Variants in ROBO1 observed in about 807,000 individuals in gnomAD.
ROBO1 encodes the protein roundabout homolog 1.
Under a neutral mutation model 195.9 loss-of-function variants are expected in ROBO1, and 149 were observed. The ratio of observed to expected loss-of-function variants is 0.76; its 90% CI spans 0.67 to 0.87. ROBO1 has a LOEUF of 0.87. ROBO1 is among the 40% of genes least tolerant of loss of function. The pLI is 0.00. For synonymous variants in ROBO1, 816 were observed against 733.2 expected, an observed-to-expected ratio of 1.11 and a Z score of -1.82; for missense variants, 1,933 against 2,068.3, an observed-to-expected ratio of 0.93 and a Z score of 1.27.
At chr3:79,705,342 A>ATTTTTAGTTAGC (rs71130671) in intron 1 of ROBO1, among the ~76,000 whole-genome samples, 2 of 151,122 alleles carry the variant, frequency 1.3e-5, no homozygotes, top group Non-Finnish European at 3.0e-5. Context: ...ATTGTGATCC[A>ATTTTTAGTTAGC]TTTTTTGAAT....
At chr3:79,581,933 C>T (rs9836090) in intron 2 of ROBO1, among the ~76,000 whole-genome samples, 1 of 151,540 alleles carries the variant, frequency 6.6e-6, no homozygotes, top group Non-Finnish European at 1.5e-5. Flanking sequence ...TATTATTCTT[C>T]TGAGTGTTAC....
chr3:79,482,532 C>T (rs1938917699), intron 2 of ROBO1, among the ~76,000 whole-genome samples: 1 of 152,140 alleles, frequency 6.6e-6, no homozygotes, highest in South Asian at 2.1e-4. Context: ...ATTGTGAGGC[C>T]TCCCCAGACA....
chr3:79,071,857 T>C (rs2079097202), intron 3 of ROBO1, among the ~76,000 whole-genome samples: 2 of 151,794 alleles, frequency 1.3e-5, no homozygotes, highest in Admixed American at 6.6e-5. Flanking sequence ...TTTGCATGGT[T>C]ATTCTGTATA....
At chr3:79,619,036 G>T (rs1944915098) in intron 1 of ROBO1, among the ~76,000 whole-genome samples, 1 of 152,172 alleles carries the variant, frequency 6.6e-6, no homozygotes, top group Non-Finnish European at 1.5e-5. Context: ...CATTCCATTG[G>T]TGTCTGATCA....
intron 2 of ROBO1, among the ~76,000 whole-genome samples, chr3:79,379,195 A>G (rs2036487409): frequency 6.6e-6 from 1 of 152,212 alleles, no homozygotes; most frequent in Admixed American, 6.5e-5. Context: ...TTTCAAGACA[A>G]GATACTAAGG....
rs986190853 is a variant in ROBO1, at chr3:79,243,330, A to G, written c.89-117791T>C. On this transcript the variant is annotated intron_variant, in intron 2 of 30. Coordinates refer to ENST00000464233, the MANE Select transcript of ROBO1 (RefSeq NM_002941.4). ...TGTCTTTATAGCAGCATGATTTATA[A>G]TCCTTTGGGTATATACCCAGTAATG... 3.7e-3 allele frequency among the ~76,000 whole-genome samples: 566 copies of G among 152,150 alleles called. 5 individuals are homozygous for G. Among genetic ancestry groups the G allele is most frequent in the African/African-American group, 0.013 (525 of 41,504 alleles).
chr3:79,570,477 A>G (rs1044884113), intron 2 of ROBO1, among the ~76,000 whole-genome samples: 4 of 152,162 alleles, frequency 2.6e-5, no homozygotes, highest in African/African-American at 7.2e-5. Context: ...ATGACTGACA[A>G]GTGAAGCATG....
intron 28 of ROBO1, 146 bp from the exon 29 acceptor site, chr3:78,607,187 AC>A: frequency 1.3e-6 from 1 of 755,548 alleles, no homozygotes; most frequent in Non-Finnish European, 2.1e-6. Flanking sequence ...AAGGAAAAAT[AC>A]CCACAATTTT....
intron 2 of ROBO1, among the ~76,000 whole-genome samples, chr3:79,220,084 G>A (rs2082111479): frequency 6.6e-6 from 1 of 151,982 alleles, no homozygotes; most frequent in African/African-American, 2.4e-5. Flanking sequence ...TCACATAGGT[G>A]TGTGATGAGA....
intron 2 of ROBO1, among the ~76,000 whole-genome samples, chr3:79,285,082 CTT>C (rs1445257785): frequency 6.6e-6 from 1 of 152,116 alleles, no homozygotes; most frequent in South Asian, 2.1e-4. Context: ...TGTTGAATAA[CTT>C]AACATATTGA....
At chr3:79,613,736 A>G (rs1298776196) in intron 1 of ROBO1, among the ~76,000 whole-genome samples, 3 of 152,080 alleles carry the variant, frequency 2.0e-5, no homozygotes, top group Non-Finnish European at 4.4e-5. Context: ...TTGCTTTGCC[A>G]AGGTAACTAT....
chr3:79,006,293 G>A (rs1319667990), intron 3 of ROBO1, among the ~76,000 whole-genome samples: 1 of 152,092 alleles, frequency 6.6e-6, no homozygotes, highest in Non-Finnish European at 1.5e-5. Flanking sequence ...GGTTAAGTAA[G>A]CCATTATGTA....
intron 4 of ROBO1, among the ~76,000 whole-genome samples, chr3:78,842,145 T>G (rs1432364907): frequency 3.4e-5 from 5 of 145,774 alleles, no homozygotes; most frequent in Admixed American, 7.0e-5. Flanking sequence ...ATTTGTTTTT[T>G]TTTTTTTTTT....
chr3:78,966,198 T>G (rs2076640600), intron 3 of ROBO1, among the ~76,000 whole-genome samples: 1 of 152,168 alleles, frequency 6.6e-6, no homozygotes, highest in Non-Finnish European at 1.5e-5. Context: ...AACCATTCCC[T>G]GCCCCTCTCT....
intron 4 of ROBO1, among the ~76,000 whole-genome samples, chr3:78,892,594 C>T (rs2036970784): frequency 6.6e-6 from 1 of 152,110 alleles, no homozygotes; most frequent in East Asian, 1.9e-4. Flanking sequence ...TGTTTATCAT[C>T]ATCATCATCA....
At chr3:79,172,267 G>T (rs1248082077) in intron 2 of ROBO1, among the ~76,000 whole-genome samples, 1 of 152,080 alleles carries the variant, frequency 6.6e-6, no homozygotes, top group Non-Finnish European at 1.5e-5. Context: ...TTAGCCAGTT[G>T]GGTCAAATTC....
chr3:79,402,029 C>A, intron 2 of ROBO1, among the ~76,000 whole-genome samples: 1 of 151,502 alleles, frequency 6.6e-6, no homozygotes, highest in East Asian at 1.9e-4. Flanking sequence ...CATTTTGATT[C>A]TTTTTTATTT....
chr3:79,411,806 A>G (rs928469963), intron 2 of ROBO1, among the ~76,000 whole-genome samples: 1 of 152,168 alleles, frequency 6.6e-6, no homozygotes, highest in African/African-American at 2.4e-5. Context: ...TTAAGTTCTA[A>G]AGCAACCTCT....
intron 2 of ROBO1, among the ~76,000 whole-genome samples, chr3:79,525,296 CAT>C (rs1159179765): frequency 1.4e-4 from 21 of 149,468 alleles, no homozygotes; most frequent in African/African-American, 4.9e-4. Flanking sequence ...TTATGTAATA[CAT>C]ATATCTAATA....
Sources: gnomAD v4.1 joint callset for allele counts (sites outside exome capture counted in the v4.1 genomes callset) on GRCh38, gnomAD v4.1.1 for gene constraint, MANE v1.5 for transcripts, NCBI Gene and HGNC (gene_info 2026-07-23, HGNC 2026-07-21) for gene names.